CTNNA3: variants seen among roughly 807,000 people sequenced by gnomAD.
The protein encoded by CTNNA3 is catenin alpha-3.
A neutral mutation model predicts 95.7 loss-of-function variants in CTNNA3; 76 were observed. That is an observed-to-expected ratio of 0.79 (90% confidence interval 0.66 to 0.96). The LOEUF (loss-of-function observed/expected upper bound fraction) is 0.96, where lower values mean the gene tolerates loss of function less well. Among genes scored for constraint, CTNNA3 ranks in the 40% least tolerant of loss-of-function variants. The pLI is 0.00. For synonymous variants in CTNNA3, 431 were observed against 374.4 expected, an observed-to-expected ratio of 1.15 and a Z score of -1.74; for missense variants, 1,191 against 1,089.8, an observed-to-expected ratio of 1.09 and a Z score of -1.31.
At chr10:66,492,255 A>G (rs1243795913) in intron 11 of CTNNA3, among the ~76,000 whole-genome samples, 1 of 151,998 alleles carries the variant, frequency 6.6e-6, no homozygotes, top group African/African-American at 2.4e-5. Flanking sequence ...AGGAGGCCCA[A>G]TTTCTAGTGA....
chr10:66,957,904 G>A (rs992572694), intron 7 of CTNNA3, among the ~76,000 whole-genome samples: 16 of 151,940 alleles, frequency 1.1e-4, no homozygotes, highest in African/African-American at 3.6e-4. Flanking sequence ...CTGGACTTAC[G>A]CATATGAACC....
intron 5 of CTNNA3, among the ~76,000 whole-genome samples, chr10:67,345,958 T>C (rs1319514474): frequency 1.3e-5 from 2 of 152,168 alleles, no homozygotes; most frequent in Non-Finnish European, 2.9e-5. Context: ...TCTGGTAATG[T>C]TTAGTTTCTT....
chr10:67,335,781 G>T (rs753443457), intron 5 of CTNNA3, among the ~76,000 whole-genome samples: 3 of 152,098 alleles, frequency 2.0e-5, no homozygotes, highest in Non-Finnish European at 4.4e-5. Flanking sequence ...GCTTAAAGTT[G>T]TAGTCTCCAA....
chr10:66,785,413 T>A (rs1398869556), intron 7 of CTNNA3, among the ~76,000 whole-genome samples: 2 of 152,184 alleles, frequency 1.3e-5, no homozygotes, highest in African/African-American at 4.8e-5. Flanking sequence ...TGAACAGGCA[T>A]CATCTAATCT....
At chr10:66,731,345 T>C (rs1315595797) in intron 9 of CTNNA3, among the ~76,000 whole-genome samples, 1 of 152,194 alleles carries the variant, frequency 6.6e-6, no homozygotes, top group Non-Finnish European at 1.5e-5. Context: ...TTAGTTCAAT[T>C]AGCACATTTA....
At chr10:66,189,699 A>G (rs901197938) in intron 13 of CTNNA3, among the ~76,000 whole-genome samples, 6 of 150,432 alleles carry the variant, frequency 4.0e-5, no homozygotes, top group African/African-American at 1.2e-4. Flanking sequence ...TTTAAATTAC[A>G]TAGTAGGAAA....
At chr10:67,463,475 C>T (rs572349985) in intron 5 of CTNNA3, among the ~76,000 whole-genome samples, 2 of 152,232 alleles carry the variant, frequency 1.3e-5, no homozygotes, top group Middle Eastern at 6.8e-3. Context: ...AAGGACATCG[C>T]CTTTCTAGCT....
At chr10:67,661,024 CTG>C (rs1272180527) in intron 1 of CTNNA3, among the ~76,000 whole-genome samples, 1 of 151,482 alleles carries the variant, frequency 6.6e-6, no homozygotes, top group Admixed American at 6.6e-5. Flanking sequence ...TTATAACAAA[CTG>C]TTAGTAAGGC....
intron 9 of CTNNA3, among the ~76,000 whole-genome samples, chr10:66,685,342 TATATATATA>T (rs1453775918): frequency 2.0e-4 from 17 of 85,636 alleles, no homozygotes; most frequent in Non-Finnish European, 2.4e-4. Context: ...TATATATATA[TATATATATA>T]TTTTTTTTTT....
At chr10:66,293,667 C>CTTTT (rs11374911) in intron 12 of CTNNA3, among the ~76,000 whole-genome samples, 1 of 138,394 alleles carries the variant, frequency 7.2e-6, no homozygotes, top group East Asian at 2.1e-4. Flanking sequence ...TTTTTTCTTT[C>CTTTT]TTTTTTTTTT....
intron 12 of CTNNA3, among the ~76,000 whole-genome samples, chr10:66,367,880 AATTATTATTATTATT>A (rs200238646): frequency 0.31 from 14,625 of 46,552 alleles, 1,046 homozygotes; most frequent in Admixed American, 0.38. Context: ...TAATAATAAT[AATTATTATTATTATT>A]ATTATTATTA....
intron 3 of CTNNA3, among the ~76,000 whole-genome samples, chr10:67,588,963 A>G (rs1446803103): frequency 6.6e-6 from 1 of 151,822 alleles, no homozygotes; most frequent in Non-Finnish European, 1.5e-5. Flanking sequence ...TAGTCAGCTC[A>G]GTGAGGGCAA....
At chr10:66,448,570 C>T (rs1055741860) in intron 11 of CTNNA3, among the ~76,000 whole-genome samples, 5 of 151,790 alleles carry the variant, frequency 3.3e-5, no homozygotes, top group Admixed American at 2.0e-4. Flanking sequence ...AGCAAACTCT[C>T]GCAAGGACAA....
intron 15 of CTNNA3, among the ~76,000 whole-genome samples, chr10:66,012,181 G>A (rs1356035951): frequency 6.6e-6 from 1 of 152,118 alleles, no homozygotes. Context: ...ATCAAATAGG[G>A]AAAAGAGTAA....
At chr10:67,031,712 T>C (rs1056627729) in intron 7 of CTNNA3, among the ~76,000 whole-genome samples, 1 of 152,170 alleles carries the variant, frequency 6.6e-6, no homozygotes, top group Admixed American at 6.5e-5. Context: ...GACTAGGACC[T>C]TAGTTTCCGC....
At chr10:67,055,089 T>C (rs1395025450) in intron 7 of CTNNA3, 1 of 152,158 alleles carries the variant, frequency 6.6e-6, no homozygotes, top group Non-Finnish European at 1.5e-5. Context: ...AAATGAAAGA[T>C]GACATATTTT....
At chr10:66,976,939 C>T (rs749231630) in intron 7 of CTNNA3, among the ~76,000 whole-genome samples, 4 of 152,052 alleles carry the variant, frequency 2.6e-5, no homozygotes, top group Non-Finnish European at 5.9e-5. Context: ...TGAAATGAAC[C>T]AAAATTTAAA....
At chr10:67,005,928 T>C (rs1916372) in intron 7 of CTNNA3, among the ~76,000 whole-genome samples, 79,282 of 151,356 alleles carry the variant, frequency 0.52, 21,483 homozygotes, top group Middle Eastern at 0.74. Context: ...TCAGGTGACC[T>C]GCCTGCCTTG....
At chr10:66,716,797 G>A (rs1415149751) in intron 9 of CTNNA3, among the ~76,000 whole-genome samples, 1 of 152,124 alleles carries the variant, frequency 6.6e-6, no homozygotes, top group Non-Finnish European at 1.5e-5. Context: ...TCTTGGAGTT[G>A]GAACTTCTAT....
Sources: gnomAD v4.1 joint callset for allele counts (sites outside exome capture counted in the v4.1 genomes callset) on GRCh38, gnomAD v4.1.1 for gene constraint, MANE v1.5 for transcripts, NCBI Gene and HGNC (gene_info 2026-07-23, HGNC 2026-07-21) for gene names.